COG5: variants seen among roughly 807,000 people sequenced by gnomAD.
The protein encoded by COG5 is component of oligomeric golgi complex 5.
A neutral mutation model predicts 110.4 loss-of-function variants in COG5; 86 were observed. The observed-to-expected ratio is 0.78, with a 90% CI of 0.65 to 0.93. The LOEUF (loss-of-function observed/expected upper bound fraction) is 0.93. Among genes scored for constraint, COG5 ranks in the 40% least tolerant of loss-of-function variants. COG5 has a pLI of 0.00. For synonymous variants in COG5, 360 were observed against 334.6 expected (o/e 1.08, Z -0.83); for missense variants, 1,077 against 987.0 (o/e 1.09, Z -1.22).
chr7:107,221,975 CT>C (rs1188385545), intron 19 of COG5, among the ~76,000 whole-genome samples: 10 of 151,924 alleles, frequency 6.6e-5, no homozygotes, highest in African/African-American at 1.9e-4. Flanking sequence ...CCAATATATT[CT>C]TGACGCAAAC....
intron 6 of COG5, among the ~76,000 whole-genome samples, chr7:107,497,230 A>G (rs1458991838): frequency 6.6e-6 from 1 of 152,166 alleles, no homozygotes; most frequent in Non-Finnish European, 1.5e-5. Flanking sequence ...AAACAAACAA[A>G]CGAACAAACA....
At chr7:107,344,074 A>G (rs1811397201) in intron 10 of COG5, among the ~76,000 whole-genome samples, 1 of 152,196 alleles carries the variant, frequency 6.6e-6, no homozygotes, top group South Asian at 2.1e-4. Flanking sequence ...CAGGGGCATT[A>G]GACCTAAAAA....
At chr7:107,229,497 A>C (rs1800611077) in intron 19 of COG5, among the ~76,000 whole-genome samples, 1 of 152,190 alleles carries the variant, frequency 6.6e-6, no homozygotes, top group African/African-American at 2.4e-5. Flanking sequence ...AACAACTTAT[A>C]AAGTTCTGAT....
At chr7:107,289,574 C>G (rs779953445) in intron 12 of COG5, among the ~76,000 whole-genome samples, 2 of 152,172 alleles carry the variant, frequency 1.3e-5, no homozygotes, top group East Asian at 3.9e-4. Flanking sequence ...TGTACTGAAT[C>G]GATATATATC....
intron 7 of COG5, among the ~76,000 whole-genome samples, chr7:107,386,711 C>G (rs2129055073): frequency 6.6e-6 from 1 of 152,194 alleles, no homozygotes; most frequent in South Asian, 2.1e-4. Context: ...ACTGTTGTAA[C>G]CCAAAGCCCA....
intron 10 of COG5, among the ~76,000 whole-genome samples, chr7:107,348,395 A>G (rs998826428): frequency 6.6e-6 from 1 of 152,064 alleles, no homozygotes. Context: ...AGTTTGGTAG[A>G]ATTTTCTTGA....
At chr7:107,462,611 TAA>T (rs370588173) in intron 6 of COG5, among the ~76,000 whole-genome samples, 1 of 112,108 alleles carries the variant, frequency 8.9e-6, no homozygotes, top group African/African-American at 3.1e-5. Context: ...GAAAAATGCC[TAA>T]AAAAAAAAAA....
At chr7:107,259,697 T>G (rs1803173483) in intron 14 of COG5, among the ~76,000 whole-genome samples, 1 of 152,190 alleles carries the variant, frequency 6.6e-6, no homozygotes, top group Non-Finnish European at 1.5e-5. Context: ...TCTCTTGAGA[T>G]TCTCTTCAAT....
At chr7:107,515,227 A>G (rs948967326) in intron 6 of COG5, among the ~76,000 whole-genome samples, 3 of 152,176 alleles carry the variant, frequency 2.0e-5, no homozygotes, top group African/African-American at 7.2e-5. Flanking sequence ...AGATTAGATA[A>G]TACTAAATAG....
intron 7 of COG5, among the ~76,000 whole-genome samples, chr7:107,384,894 A>G (rs1239891915): frequency 6.6e-6 from 1 of 152,228 alleles, no homozygotes; most frequent in Non-Finnish European, 1.5e-5. Context: ...CTGTTATGGT[A>G]GTCAGAGCTA....
intron 6 of COG5, among the ~76,000 whole-genome samples, chr7:107,503,347 T>C (rs760436570): frequency 1.3e-5 from 2 of 152,146 alleles, no homozygotes; most frequent in Non-Finnish European, 2.9e-5. Context: ...TTCTGTTTCA[T>C]TGGGTCTATG....
chr7:107,416,540 T>C (rs1444492983), intron 6 of COG5, among the ~76,000 whole-genome samples: 1 of 152,206 alleles, frequency 6.6e-6, no homozygotes, highest in Admixed American at 6.5e-5. Context: ...TTCTTAAATT[T>C]AGTGGGCAGT....
At chr7:107,434,745 C>T (rs113696379) in intron 6 of COG5, among the ~76,000 whole-genome samples, 4,957 of 151,838 alleles carry the variant, frequency 0.033, 269 homozygotes, top group African/African-American at 0.11. Context: ...CCAAGGTGGG[C>T]GGATCACTAG....
In COG5 at chr7:107,367,769, T is replaced by C. The variant is rs140362927; in HGVS notation, c.835+4826A>G. ...AAAGACAGAGTGGTATAATGGACAT[T>C]AGAGACTCAGAATGGGAGAGTAGGA... On this transcript the variant is annotated intron_variant, in intron 8 of 21. Transcript: ENST00000297135. 1.1e-4 allele frequency among the ~76,000 whole-genome samples: 16 copies of C among 151,994 alleles called. No homozygotes were observed. The East Asian group carries it at 3.1e-3, about 29-fold the overall frequency.
chr7:107,563,706 C>G (rs1804196719), intron 1 of COG5, 97 bp downstream of exon 1: 1 of 1,464,206 alleles, frequency 6.8e-7, no homozygotes, highest in African/African-American at 1.4e-5. Flanking sequence ...GACTGGAAAA[C>G]TTTCTGCAAA....
At position 107,541,523 on chromosome 7, in the gene COG5, A is replaced by AAAATATATAT. The variant is rs60423657; in HGVS notation, c.417+6587_417+6588insATATATATTT. On this transcript the variant is annotated intron_variant, in intron 5 of 21. Coordinates refer to ENST00000297135, the MANE Select transcript of COG5 (RefSeq NM_006348.5). ...AAAAAAAAAAAAAAAAAAAAAAAAAAATATATATATATATATATATGTATT... is the reference window on the plus strand; with the variant it reads ...AAAAAAAAAAAAAAAAAAAAAAAAAAAAATATATATATATATATATATATATATATGTATT... Among the ~76,000 whole-genome samples, 95 of 56,968 alleles carry AAAATATATAT rather than the reference A, an allele frequency of 1.7e-3. 1 individual carries two copies. The highest frequency in any genetic ancestry group is 2.0e-3 in the South Asian group (4 of 2,018). 37.4% of individuals were successfully genotyped at this position (56,968 alleles called of 152,430 possible). A position where few individuals can be genotyped will look rare whatever the true frequency, so the allele number is the denominator to read the frequency against.
At chr7:107,400,603 C>T (rs141562923) in intron 7 of COG5, among the ~76,000 whole-genome samples, 37 of 152,054 alleles carry the variant, frequency 2.4e-4, no homozygotes, top group Admixed American at 3.9e-4. Context: ...AAATTTAGTC[C>T]GTTATTGAAA....
chr7:107,205,028 T>C (rs1354411101), intron 21 of COG5, among the ~76,000 whole-genome samples: 1 of 152,204 alleles, frequency 6.6e-6, no homozygotes, highest in African/African-American at 2.4e-5. Context: ...CAGTCCCTCC[T>C]CTCCCCTTCG....
intron 10 of COG5, among the ~76,000 whole-genome samples, chr7:107,353,518 A>G: frequency 6.6e-6 from 1 of 152,126 alleles, no homozygotes; most frequent in East Asian, 1.9e-4. Flanking sequence ...GTATAAATAT[A>G]TCTTTTCAAA....
Sources: allele counts gnomAD v4.1 joint callset (sites outside exome capture counted in the v4.1 genomes callset), GRCh38; gene constraint gnomAD v4.1.1; transcripts MANE v1.5; gene names NCBI Gene and HGNC (gene_info 2026-07-23, HGNC 2026-07-21).